NLRP13: variants seen among roughly 807,000 people sequenced by gnomAD.
The protein encoded by NLRP13 is NACHT, LRR and PYD domains-containing protein 13.
NLRP13 carries 82 observed loss-of-function variants against 94.4 expected under a neutral mutation model. That is an observed-to-expected ratio of 0.87 (90% confidence interval 0.73 to 1.04). The LOEUF (loss-of-function observed/expected upper bound fraction) is 1.04. Among genes scored for constraint, NLRP13 ranks in the 50% least tolerant of loss-of-function variants. NLRP13 has a pLI of 0.00. For missense variants in NLRP13, 1,426 were observed against 1,230.8 expected, an observed-to-expected ratio of 1.16 and a Z score of -2.37; for synonymous variants, 553 against 464.7, an observed-to-expected ratio of 1.19 and a Z score of -2.45.
intron 1 of NLRP13, among the ~76,000 whole-genome samples, chr19:55,927,777 G>T (rs1272066948): frequency 6.6e-6 from 1 of 152,164 alleles, no homozygotes; most frequent in Non-Finnish European, 1.5e-5. Context: ...AGTGACCCCA[G>T]TTTAAGAAAG....
At position 55,930,667 on chromosome 19, in the gene NLRP13, C is replaced by G. The variant is rs1447838325; in HGVS notation, c.319+1326G>C. ...CACCATTGTACTCCAGCTTGGGTGA[C>G]AAGAAGGAAACTCCATCTCAAAAAA... On this transcript the variant is annotated intron_variant, in intron 1 of 10. Transcript: ENST00000342929. 1.4e-4 allele frequency among the ~76,000 whole-genome samples: 13 copies of G among 89,920 alleles called. 1 individual carries two copies. The highest frequency in any genetic ancestry group is 6.0e-4 in the African/African-American group (13 of 21,836). The allele number at this position is 89,920 out of a possible 152,430, so 59.0% of individuals were successfully genotyped here.
chr19:55,930,267 T>C (rs34965546), intron 1 of NLRP13, among the ~76,000 whole-genome samples: 28,102 of 152,166 alleles, frequency 0.18, 2,832 homozygotes, highest in African/African-American at 0.26. Context: ...GCTCTGTGAC[T>C]TTGGGAAATT....
At chr19:55,907,441 A>G (rs1374896006) in intron 7 of NLRP13, among the ~76,000 whole-genome samples, 1 of 152,144 alleles carries the variant, frequency 6.6e-6, no homozygotes, top group Non-Finnish European at 1.5e-5. Flanking sequence ...GTGTGGTGGC[A>G]CACACCTGTG....
intron 1 of NLRP13, among the ~76,000 whole-genome samples, chr19:55,931,619 G>C (rs961907595): frequency 6.0e-5 from 9 of 149,220 alleles, no homozygotes; most frequent in African/African-American, 2.2e-4. Context: ...TGAGGCAGGA[G>C]AATCGCTTCA....
At chr19:55,897,257 G>T (rs1465734689) in intron 10 of NLRP13, among the ~76,000 whole-genome samples, 2 of 152,180 alleles carry the variant, frequency 1.3e-5, no homozygotes, top group African/African-American at 4.8e-5. Flanking sequence ...AGTGGCTCAT[G>T]TCAGTAATCC....
At chr19:55,928,123 G>C (rs1359875658) in intron 1 of NLRP13, among the ~76,000 whole-genome samples, 1 of 152,282 alleles carries the variant, frequency 6.6e-6, no homozygotes, top group East Asian at 1.9e-4. Context: ...TCTCCTACTT[G>C]AGAGGTATCT....
At chr19:55,915,746 C>A (rs1429261473) in intron 4 of NLRP13, among the ~76,000 whole-genome samples, 1 of 121,860 alleles carries the variant, frequency 8.2e-6, no homozygotes, top group Non-Finnish European at 1.8e-5. Flanking sequence ...CTAGGATAGG[C>A]TTGCCTTGTC....
intron 4 of NLRP13, among the ~76,000 whole-genome samples, chr19:55,916,445 G>A (rs1025012844): frequency 6.6e-6 from 1 of 152,088 alleles, no homozygotes; most frequent in Non-Finnish European, 1.5e-5. Flanking sequence ...AGATCCAAGA[G>A]AAATCATAAA....
intron 4 of NLRP13, among the ~76,000 whole-genome samples, chr19:55,913,547 T>TGAAAAAAAAAAAAAAAAAAAAA (rs1986593179): frequency 9.2e-5 from 1 of 10,908 alleles, no homozygotes. Flanking sequence ...AGACTCCGTC[T>TGAAAAAAAAAAAAAAAAAAAAA]CAAAAAAAAA....
At chr19:55,922,387 G>A (rs1277231355) in intron 4 of NLRP13, among the ~76,000 whole-genome samples, 1 of 152,038 alleles carries the variant, frequency 6.6e-6, no homozygotes. Flanking sequence ...GAGTGCAGTG[G>A]CATGATCTTG....
chr19:55,896,746 G>A (rs890448141), intron 10 of NLRP13, among the ~76,000 whole-genome samples: 64 of 149,756 alleles, frequency 4.3e-4, no homozygotes, highest in African/African-American at 1.4e-3. Context: ...TTGAGCCCAC[G>A]GGGTGGAAGT....
At chr19:55,893,734 T>C (rs1042029408), downstream of NLRP13, among the ~76,000 whole-genome samples, 1 of 152,188 alleles carries the variant, frequency 6.6e-6, no homozygotes, top group Non-Finnish European at 1.5e-5. Context: ...TTAATCTGCA[T>C]CTAGCAATTT....
At position 55,932,227 on chromosome 19, in the gene NLRP13, G is replaced by C. The variant is rs770856860; in HGVS notation, c.85C>G (p.Leu29Val). 1.9e-6 allele frequency: 3 copies of C among 1,613,802 alleles called. No homozygotes were observed. The Admixed American group carries it at 5.0e-5, about 27-fold the overall frequency. ...PYLMALDQYQ[L>V]EEFKLCLEPQ... The stretch of plus-strand genomic sequence containing the variant: ...TCCAAGCAAAGCTTGAATTCCTCCA[G>C]CTGATACTGATCCAGGGCCATCAGG... Residue 29 changes from leucine (L) to valine (V), a missense_variant, in exon 1 of 11, where the codon CTG (leucine) becomes GTG (valine). Transcript: ENST00000342929.
Position 55,912,523 on chromosome 19 carries a change from A to G in NLRP13, c.1294T>C (p.Cys432Arg), listed in dbSNP as rs1338898498. Residue 432 changes from cysteine to arginine, a missense_variant, in exon 5 of 11, where the codon TGT becomes CGT. Coordinates refer to ENST00000342929, the MANE Select transcript of NLRP13 (RefSeq NM_176810.2). ...CSAPMVCWTVCSCLKQPKVRY... is the reference protein window; with the variant it reads ...CSAPMVCWTVRSCLKQPKVRY... ...ACCTTCGGCTGCTTCAGACAGGAAC[A>G]TACGGTCCAACACACCATGGGGGCA... 7 of 1,614,092 alleles carry G rather than the reference A, an allele frequency of 4.3e-6. No individual in the cohort carries two copies. The East Asian group carries it at 1.6e-4, about 36-fold the overall frequency.
downstream of NLRP13, among the ~76,000 whole-genome samples, chr19:55,893,269 T>C (rs752193264): frequency 1.1e-4 from 16 of 152,132 alleles, no homozygotes; most frequent in Non-Finnish European, 2.4e-4. Flanking sequence ...GTGCCTGTAA[T>C]CCAGGCTACT....
At chr19:55,901,440 A>G (rs1232743578) in intron 9 of NLRP13, among the ~76,000 whole-genome samples, 1 of 152,006 alleles carries the variant, frequency 6.6e-6, no homozygotes, top group Non-Finnish European at 1.5e-5. Flanking sequence ...GGAGAGGGGG[A>G]AAAGTCGTCT....
intron 7 of NLRP13, among the ~76,000 whole-genome samples, chr19:55,907,325 C>T (rs917110616): frequency 6.6e-6 from 1 of 152,144 alleles, no homozygotes; most frequent in African/African-American, 2.4e-5. Flanking sequence ...GTAATCCCAG[C>T]ACTCAAGAGG....
chr19:55,931,387 A>T (rs528089180), intron 1 of NLRP13, among the ~76,000 whole-genome samples: 1 of 152,090 alleles, frequency 6.6e-6, no homozygotes, highest in South Asian at 2.1e-4. Context: ...CCAGTACGAC[A>T]ATCACACTGG....
intron 4 of NLRP13, among the ~76,000 whole-genome samples, chr19:55,921,356 G>A (rs181392375): frequency 8.5e-4 from 130 of 152,284 alleles, no homozygotes; most frequent in African/African-American, 3.1e-3. Context: ...CATAACGGAT[G>A]ATATTTTGTT....
Sources: gnomAD v4.1 joint callset for allele counts (sites outside exome capture counted in the v4.1 genomes callset) on GRCh38, gnomAD v4.1.1 for gene constraint, MANE v1.5 for transcripts, NCBI Gene and HGNC (gene_info 2026-07-23, HGNC 2026-07-21) for gene names.